The following HORMAD1 variants were observed in gnomAD, a reference collection of about 807,000 sequenced individuals.
HORMAD1 encodes the protein HORMA domain-containing protein 1.
HORMAD1 carries 33 observed loss-of-function variants against 58.2 expected under a neutral mutation model. The ratio of observed to expected loss-of-function variants is 0.57; its 90% CI spans 0.43 to 0.76. HORMAD1 has a LOEUF of 0.76. Ranked by LOEUF, HORMAD1 falls within the 30% of genes least tolerant of loss-of-function variation. The pLI, the probability that HORMAD1 is intolerant of heterozygous loss-of-function variation, is 0.00. For synonymous variants in HORMAD1, 137 were observed against 144.6 expected (o/e 0.95, Z 0.38); for missense variants, 363 against 462.0 (o/e 0.79, Z 1.96).
At chr1:150,720,656 CAAGT>C (rs1339513647) in intron 1 of HORMAD1, 144 bp downstream of exon 1, 1 of 152,220 alleles carries the variant, frequency 6.6e-6, no homozygotes, top group Non-Finnish European at 1.5e-5. Context: ...CCTCTGTTGA[CAAGT>C]AAGTGGGTAT....
intron 3 of HORMAD1, among the ~76,000 whole-genome samples, chr1:150,716,312 C>G (rs1481598700): frequency 6.6e-6 from 1 of 151,734 alleles, no homozygotes; most frequent in Non-Finnish European, 1.5e-5. Context: ...CAGGCATGCA[C>G]CACCATGCCC....
At chr1:150,711,274 C>T (rs1213580925) in intron 7 of HORMAD1, among the ~76,000 whole-genome samples, 1 of 152,078 alleles carries the variant, frequency 6.6e-6, no homozygotes, top group East Asian at 1.9e-4. Flanking sequence ...AAGAATTAGA[C>T]GTCAGGAGAT....
chr1:150,698,946 T>C (rs1651452618), intron 14 of HORMAD1: 2 of 411,732 alleles, frequency 4.9e-6, no homozygotes, highest in Non-Finnish European at 8.8e-6. Flanking sequence ...TTGCAAAATG[T>C]ATAATCTTCA....
intron 10 of HORMAD1, among the ~76,000 whole-genome samples, chr1:150,705,165 C>G (rs1026449279): frequency 6.6e-6 from 1 of 152,130 alleles, no homozygotes; most frequent in Admixed American, 6.6e-5. Flanking sequence ...ATTTATTAAT[C>G]CAAATAAAGT....
intron 12 of HORMAD1, 90 bp downstream of exon 12, chr1:150,704,028 G>A: frequency 1.3e-6 from 1 of 787,190 alleles, no homozygotes; most frequent in Non-Finnish European, 2.0e-6. Context: ...AAAAGACCTG[G>A]AATAAGAAAA....
At chr1:150,700,933 A>G (rs1306123735) in intron 13 of HORMAD1, among the ~76,000 whole-genome samples, 1 of 152,172 alleles carries the variant, frequency 6.6e-6, no homozygotes, top group Non-Finnish European at 1.5e-5. Flanking sequence ...TAAAATGAAT[A>G]TTGGAAAATG....
intron 2 of HORMAD1, among the ~76,000 whole-genome samples, chr1:150,719,021 C>T (rs1652173566): frequency 0.019 from 2 of 104 alleles, 1 homozygote; most frequent in African/African-American, 0.02. Context: ...CTTTGGGAGG[C>T]CGAGGCGGGC....
At chr1:150,712,649 A>C (rs897715983) in intron 5 of HORMAD1, among the ~76,000 whole-genome samples, 2 of 152,146 alleles carry the variant, frequency 1.3e-5, no homozygotes, top group African/African-American at 2.4e-5. Context: ...CCCAGGTTCA[A>C]GCGATTCTCC....
rs1441717193 is a variant in HORMAD1 at position 150,704,391 on chromosome 1, T to A, written c.805-48A>T. On this transcript the variant is annotated intron_variant, in intron 10 of 14. Transcript: ENST00000361824. ...AAATTGACACATTTCAAAAAGGAAC[T>A]AAAACAACTGAGCAGAAAGCATTTA... 7.6e-6 allele frequency: 9 copies of A among 1,179,250 alleles called. No homozygotes were observed. In the Admixed American group the frequency reaches 1.7e-4, roughly 23 times the overall value. The allele number at this position is 1,179,250 out of a possible 1,614,324, so 73.0% of individuals were successfully genotyped here. A position where few individuals can be genotyped will look rare whatever the true frequency, so the allele number is the denominator to read the frequency against.
intron 10 of HORMAD1, 99 bp from the exon 11 acceptor site, chr1:150,704,442 C>T: frequency 1.3e-6 from 1 of 746,178 alleles, no homozygotes; most frequent in Non-Finnish European, 2.2e-6. Context: ...CATGTGAAGG[C>T]TAAATACAAT....
At position 150,708,299 on chromosome 1, in the gene HORMAD1, A is replaced by G. The variant is rs757863703; in HGVS notation, c.504T>C (p.Pro168=). 3 of 1,608,824 alleles carry G rather than the reference A, an allele frequency of 1.9e-6. No homozygotes were observed. Among genetic ancestry groups the G allele is most frequent in the South Asian group, 2.2e-5 (2 of 89,944 alleles). The stretch of plus-strand genomic sequence containing the variant: ...GTTTCATGGTCAAACAAACATCATT[A>G]GGTAAAGGCCCCAGATTTTGCATTA... ...YILMQNLGPL[P]NDVCLTMKLF... The change falls in exon 9 of 15, where the codon CCT becomes CCC. Residue 168 remains proline (P), a synonymous_variant. Transcript: ENST00000361824.
Position 150,706,664 on chromosome 1 carries a change from T to G in HORMAD1, c.693A>C (p.Glu231Asp), listed in dbSNP as rs745792444. 1 of 1,613,912 alleles carries G rather than the reference T, an allele frequency of 6.2e-7. No homozygotes were observed. Among genetic ancestry groups the G allele is most frequent in the Non-Finnish European group, 8.5e-7 (1 of 1,179,890 alleles). ...IFKVKVTTER[E>D]RMENIDSTIL... is the part of the protein sequence containing the mutation. ...TAGTTGAGTCAATATTTTCCATTCG[T>G]TCTCTCTCAGTGGTCACTTTTACTT... is the stretch of plus-strand genomic sequence containing the variant. The change falls in exon 10 of 15, where the codon GAA becomes GAC. Residue 231 changes from glutamate (E) to aspartate (D), a missense_variant. By Grantham distance (45) the Glu-to-Asp change is conservative. This residue lies in a region of HORMAD1 where 226 missense variants were observed against 257.8 expected (regional missense o/e 0.88). Transcript: ENST00000361824.
chr1:150,720,737 G>C (rs1169634899), intron 1 of HORMAD1, 67 bp downstream of exon 1: 1 of 152,132 alleles, frequency 6.6e-6, no homozygotes, highest in Non-Finnish European at 1.5e-5. Flanking sequence ...GAAGCTGACA[G>C]ACAAAGAGAT....
chr1:150,708,503 A>G, intron 8 of HORMAD1, 96 bp from the exon 9 acceptor site: 1 of 799,280 alleles, frequency 1.3e-6, no homozygotes. Flanking sequence ...TATTTCTATT[A>G]TAGCATTAAG....
intron 7 of HORMAD1, among the ~76,000 whole-genome samples, chr1:150,709,304 T>G (rs1003025163): frequency 6.6e-6 from 1 of 152,232 alleles, no homozygotes; most frequent in Non-Finnish European, 1.5e-5. Context: ...GAGATGTTGT[T>G]AATTTGTAGC....
intron 13 of HORMAD1, among the ~76,000 whole-genome samples, chr1:150,700,699 A>G (rs916088795): frequency 1.3e-5 from 2 of 152,166 alleles, no homozygotes; most frequent in Non-Finnish European, 2.9e-5. Flanking sequence ...TGACTTTCAA[A>G]TGAAAGGAAT....
intron 6 of HORMAD1, 116 bp from the exon 7 acceptor site, chr1:150,711,687 C>T: frequency 1.0e-6 from 1 of 964,708 alleles, no homozygotes; most frequent in Non-Finnish European, 1.6e-6. Flanking sequence ...AAAATGACCA[C>T]CCAAAATATT....
intron 2 of HORMAD1, among the ~76,000 whole-genome samples, chr1:150,717,508 ATTTTT>A (rs140527786): frequency 6.0e-5 from 9 of 149,630 alleles, no homozygotes; most frequent in African/African-American, 2.2e-4. Flanking sequence ...AAATCTTTTA[ATTTTT>A]TTTTTTTATT....
chr1:150,702,777 T>C (rs1977716), intron 13 of HORMAD1, among the ~76,000 whole-genome samples: 58,546 of 151,920 alleles, frequency 0.39, 11,608 homozygotes, highest in South Asian at 0.55. Flanking sequence ...TTAGGATAAA[T>C]AGCTAATGCA....
Sources: allele counts gnomAD v4.1 joint callset (sites outside exome capture counted in the v4.1 genomes callset), GRCh38; gene constraint gnomAD v4.1.1; regional missense constraint gnomAD v4.1.1; transcripts MANE v1.5; gene names NCBI Gene and HGNC (gene_info 2026-07-23, HGNC 2026-07-21).